ADAMTS6: variants seen among roughly 807,000 people sequenced by gnomAD.
The protein encoded by ADAMTS6 is ADAM metallopeptidase with thrombospondin type 1 motif 6.
In ADAMTS6, 23 loss-of-function variants were observed where a neutral mutation model predicts 144.3. That is an observed-to-expected ratio of 0.16 (90% confidence interval 0.11 to 0.23). The LOEUF (loss-of-function observed/expected upper bound fraction) is 0.23. Ranked by LOEUF, ADAMTS6 falls within the 10% of genes least tolerant of loss-of-function variation. The pLI is 1.00. For missense variants in ADAMTS6, 999 were observed against 1,379.6 expected (o/e 0.72, Z 4.37); for synonymous variants, 444 against 457.5 (o/e 0.97, Z 0.38).
intron 7 of ADAMTS6, among the ~76,000 whole-genome samples, chr5:65,402,943 G>C (rs560379941): frequency 1.5e-4 from 23 of 152,156 alleles, no homozygotes; most frequent in African/African-American, 5.3e-4. Flanking sequence ...TTGTGTATAT[G>C]CAATGTCTTT....
intron 7 of ADAMTS6, among the ~76,000 whole-genome samples, chr5:65,436,364 T>G (rs1182188370): frequency 1.3e-5 from 2 of 152,176 alleles, no homozygotes; most frequent in African/African-American, 2.4e-5. Flanking sequence ...TTATTTCTTA[T>G]CAAATTTGCT....
intron 17 of ADAMTS6, 77 bp downstream of exon 17, chr5:65,224,847 A>AG (rs1491179302): frequency 8.2e-6 from 12 of 1,456,096 alleles, no homozygotes; most frequent in Non-Finnish European, 9.1e-6. Flanking sequence ...TCTGAAAAAC[A>AG]GGGGGAGGCG....
At chr5:65,424,495 A>G (rs1187279367) in intron 7 of ADAMTS6, among the ~76,000 whole-genome samples, 1 of 152,240 alleles carries the variant, frequency 6.6e-6, no homozygotes, top group Non-Finnish European at 1.5e-5. Flanking sequence ...ATCTTACTAC[A>G]TCAAGACTCT....
intron 7 of ADAMTS6, among the ~76,000 whole-genome samples, chr5:65,346,437 G>A (rs1295430095): frequency 6.6e-6 from 1 of 151,604 alleles, no homozygotes; most frequent in African/African-American, 2.4e-5. Flanking sequence ...ATCTTTCATG[G>A]TAAAAATTCT....
chr5:65,226,911 A>C (rs1009964139), intron 15 of ADAMTS6, among the ~76,000 whole-genome samples: 1 of 152,190 alleles, frequency 6.6e-6, no homozygotes, highest in Non-Finnish European at 1.5e-5. Flanking sequence ...AAAAAACCTA[A>C]GAAAATAAAA....
Position 65,309,452 on chromosome 5 carries a change from A to C in ADAMTS6, c.1224-9321T>G, listed in dbSNP as rs556170333. On this transcript the variant is annotated intron_variant, in intron 9 of 24. Coordinates refer to ENST00000381055, the MANE Select transcript of ADAMTS6 (RefSeq NM_197941.4). The stretch of plus-strand genomic sequence containing the variant: ...GTGGAGCTCAGGCAGTAATGTGGGC[A>C]ATGTGGCAGTGGGGGGGTGGGGAGG... Among the ~76,000 whole-genome samples the C allele has an allele frequency of 1.5e-3, 191 of 126,082 alleles. 1 individual carries two copies. Among genetic ancestry groups the C allele is most frequent in the African/African-American group, 5.2e-3 (175 of 33,526 alleles). 82.7% of individuals were successfully genotyped at this position (126,082 alleles called of 152,430 possible). A position where few individuals can be genotyped will look rare whatever the true frequency, so the allele number is the denominator to read the frequency against.
At chr5:65,208,597 T>G (rs116307708) in intron 20 of ADAMTS6, among the ~76,000 whole-genome samples, 57 of 152,342 alleles carry the variant, frequency 3.7e-4, no homozygotes, top group African/African-American at 1.3e-3. Context: ...TTGCTAGGTC[T>G]TGATTTCAGC....
At chr5:65,465,107 T>C (rs527761075) in intron 3 of ADAMTS6, among the ~76,000 whole-genome samples, 4 of 152,208 alleles carry the variant, frequency 2.6e-5, no homozygotes, top group African/African-American at 9.7e-5. Context: ...TCACTTTAGA[T>C]TCATTAATAA....
At chr5:65,323,310 C>A (rs1745816263) in intron 9 of ADAMTS6, among the ~76,000 whole-genome samples, 3 of 133,738 alleles carry the variant, frequency 2.2e-5, no homozygotes, top group Non-Finnish European at 4.6e-5. Context: ...TGTTCCCCTT[C>A]CTGTGTCCAT....
chr5:65,238,556 C>T (rs747018483), intron 15 of ADAMTS6, among the ~76,000 whole-genome samples: 1 of 151,148 alleles, frequency 6.6e-6, no homozygotes, highest in Non-Finnish European at 1.5e-5. Context: ...GCCGAGATTG[C>T]GCCACTGCTC....
chr5:65,215,571 C>T, intron 18 of ADAMTS6, 84 bp from the exon 19 acceptor site: 9 of 1,163,926 alleles, frequency 7.7e-6, no homozygotes, highest in Non-Finnish European at 1.1e-5. Flanking sequence ...ATAAAGTATA[C>T]AATGAATACC....
intron 3 of ADAMTS6, among the ~76,000 whole-genome samples, chr5:65,467,644 T>C (rs1287630142): frequency 6.6e-6 from 1 of 152,190 alleles, no homozygotes; most frequent in East Asian, 1.9e-4. Flanking sequence ...TTAAGGAAGA[T>C]GATTTTTTGA....
intron 15 of ADAMTS6, among the ~76,000 whole-genome samples, chr5:65,240,326 A>C (rs749604164): frequency 3.3e-5 from 5 of 152,160 alleles, no homozygotes; most frequent in Non-Finnish European, 7.4e-5. Context: ...CATTAGGCTT[A>C]AAGAAGATTT....
At chr5:65,187,104 G>A (rs1330937433) in intron 22 of ADAMTS6, among the ~76,000 whole-genome samples, 2 of 152,218 alleles carry the variant, frequency 1.3e-5, no homozygotes, top group Non-Finnish European at 2.9e-5. Flanking sequence ...CAGAGTCTGA[G>A]ATGCATCCTG....
chr5:65,413,728 A>G (rs1167055294), intron 7 of ADAMTS6, among the ~76,000 whole-genome samples: 2 of 152,128 alleles, frequency 1.3e-5, no homozygotes, highest in African/African-American at 4.8e-5. Context: ...TATAATGTAC[A>G]TTAATAAAAT....
chr5:65,396,544 C>G (rs916445946), intron 7 of ADAMTS6, among the ~76,000 whole-genome samples: 1 of 152,202 alleles, frequency 6.6e-6, no homozygotes, highest in Non-Finnish European at 1.5e-5. Context: ...AACCCTCTGG[C>G]TACCTCTCCA....
intron 14 of ADAMTS6, chr5:65,251,457 C>T (rs1760149641): frequency 1.3e-5 from 2 of 152,206 alleles, no homozygotes; most frequent in African/African-American, 4.8e-5. Flanking sequence ...CAAATTTTAT[C>T]CAGTTCTCCT....
intron 11 of ADAMTS6, among the ~76,000 whole-genome samples, chr5:65,280,642 C>G (rs1762917906): frequency 6.6e-6 from 1 of 152,132 alleles, no homozygotes; most frequent in African/African-American, 2.4e-5. Context: ...GTTCCTATGT[C>G]CTTTCTGATC....
intron 7 of ADAMTS6, among the ~76,000 whole-genome samples, chr5:65,375,665 A>T (rs1343166935): frequency 6.6e-6 from 1 of 152,074 alleles, no homozygotes; most frequent in African/African-American, 2.4e-5. Context: ...TGTTGGTGGG[A>T]CTGTAAACTA....
Sources: allele counts gnomAD v4.1 joint callset (sites outside exome capture counted in the v4.1 genomes callset), GRCh38; gene constraint gnomAD v4.1.1; transcripts MANE v1.5; gene names NCBI Gene and HGNC (gene_info 2026-07-23, HGNC 2026-07-21).